The following MYO18A variants were observed in gnomAD, a reference collection of about 807,000 sequenced individuals.
MYO18A encodes the protein myosin XVIIIA, also known as unconventional myosin-XVIIIa.
MYO18A carries 78 observed loss-of-function variants against 235.8 expected under a neutral mutation model. That is an observed-to-expected ratio of 0.33 (90% CI 0.28 to 0.40). MYO18A has a LOEUF of 0.40. MYO18A is among the 10% of genes least tolerant of loss of function. MYO18A has a pLI of 1.00. For synonymous variants in MYO18A, 977 were observed against 1,077.8 expected, an observed-to-expected ratio of 0.91 and a Z score of 1.83; for missense variants, 2,215 against 2,699.3, an observed-to-expected ratio of 0.82 and a Z score of 3.98.
rs762093888 is a variant in MYO18A at position 29,093,328 on chromosome 17, C to T, written c.4921G>A (p.Asp1641Asn). The change falls in exon 32 of 42, where the codon GAC becomes AAC. Residue 1641 changes from aspartate (D) to asparagine (N), a missense_variant. By Grantham distance (23) the Asp-to-Asn change is conservative. Transcript: ENST00000527372. ...ELEGKLATLS[D>N]QVNRRDFESE... Reference sequence around the variant, plus strand: ...TGGGTGGAGCATCCCCTGACCTGGTCGCTGAGGGTGGCGAGCTTGCCCTCC... The same window carrying T: ...TGGGTGGAGCATCCCCTGACCTGGTTGCTGAGGGTGGCGAGCTTGCCCTCC... 2.5e-6 allele frequency: 4 copies of T among 1,610,572 alleles called. No individual in the cohort carries two copies. Among genetic ancestry groups the T allele is most frequent in the Non-Finnish European group, 3.4e-6 (4 of 1,178,976 alleles).
chr17:29,115,270 T>C (rs2067030279), intron 13 of MYO18A, 81 bp downstream of exon 13: 3 of 1,532,048 alleles, frequency 2.0e-6, no homozygotes, highest in Non-Finnish European at 2.7e-6. Context: ...AGACCGGCTC[T>C]GCCTCGGCCA....
chr17:29,093,038 C>A, intron 32 of MYO18A, 37 bp from the exon 33 acceptor site: 1 of 1,599,428 alleles, frequency 6.3e-7, no homozygotes, highest in Non-Finnish European at 8.5e-7. Flanking sequence ...CTGGGCTCTG[C>A]ACAGGGCTTC....
intron 1 of MYO18A, among the ~76,000 whole-genome samples, chr17:29,177,061 G>A (rs116477145): frequency 2.8e-3 from 423 of 152,300 alleles, no homozygotes; most frequent in African/African-American, 9.6e-3. Context: ...ATCCCCTTCC[G>A]TGTGACCTTG....
intron 1 of MYO18A, among the ~76,000 whole-genome samples, chr17:29,169,979 C>A (rs917699380): frequency 6.6e-6 from 1 of 152,136 alleles, no homozygotes; most frequent in Non-Finnish European, 1.5e-5. Flanking sequence ...GGACAGCAGA[C>A]GGTCACAGCA....
At chr17:29,130,609 C>T (rs1420838854) in intron 2 of MYO18A, among the ~76,000 whole-genome samples, 2 of 151,752 alleles carry the variant, frequency 1.3e-5, no homozygotes, top group Admixed American at 6.6e-5. Context: ...ATCAAACTGA[C>T]CAAGGAAGTG....
intron 2 of MYO18A, among the ~76,000 whole-genome samples, chr17:29,135,365 G>C (rs1466437470): frequency 6.6e-6 from 1 of 152,194 alleles, no homozygotes; most frequent in South Asian, 2.1e-4. Context: ...GCCTCCCAAA[G>C]TGCTGGGATT....
chr17:29,081,005 TGAGG>T (rs2066107647), intron 41 of MYO18A: 4 of 985,150 alleles, frequency 4.1e-6, no homozygotes, highest in Admixed American at 6.2e-5. Context: ...GAGAGGCTGT[TGAGG>T]GCCGTTCCGA....
chr17:29,106,604 G>A lies in MYO18A; in HGVS notation c.3441+476C>T, dbSNP rs951743563. ...CCAGACGGGCAGGGACACCCCTTCC[G>A]CAGCCACAAGTTCACCAACCAGGGC... On this transcript the variant is annotated intron_variant, in intron 20 of 41. Transcript: ENST00000527372. The surrounding 1 kb of genome is among the most constrained non-coding windows in gnomAD (Gnocchi z 4.6). Among the ~76,000 whole-genome samples, 3 of 152,134 alleles carry A rather than the reference G, an allele frequency of 2.0e-5. No homozygotes were observed. Among genetic ancestry groups the A allele is most frequent in the East Asian group, 3.9e-4 (2 of 5,190 alleles).
In MYO18A at chr17:29,136,235, GAAAAAAA is replaced by G. The variant is rs1181249964; in HGVS notation, c.1000-13989_1000-13983del. Among the ~76,000 whole-genome samples the G allele has an allele frequency of 1.7e-3, 180 of 105,288 alleles. 1 individual carries two copies. Among genetic ancestry groups the G allele is most frequent in the South Asian group, 7.6e-3 (23 of 3,036 alleles). 69.1% of individuals were successfully genotyped at this position (105,288 alleles called of 152,430 possible). A position where few individuals can be genotyped will look rare whatever the true frequency, so the allele number is the denominator to read the frequency against. On this transcript the variant is annotated intron_variant, in intron 2 of 41. Coordinates refer to ENST00000527372, the MANE Select transcript of MYO18A (RefSeq NM_078471.4). ...GACCGAGTGAGACCCCATCTCAAAA[GAAAAAAA>G]AAAAAAAAATATATATATATATATA... is the stretch of plus-strand genomic sequence containing the variant.
chr17:29,090,990 C>T (rs1598284347), intron 34 of MYO18A, 64 bp from the exon 35 acceptor site: 1 of 1,331,670 alleles, frequency 7.5e-7, no homozygotes. Context: ...CTCCAGCTGC[C>T]TCCAATGGCA....
In MYO18A at chr17:29,109,496, A is replaced by G. The variant is rs183990148; in HGVS notation, c.3331+362T>C. ...TTTAGCACCTCATTTCTCACTGGGC[A>G]GATGGCTCCGAAAGGGCACTGGGTT... On this transcript the variant is annotated intron_variant, in intron 19 of 41. Transcript: ENST00000527372. The surrounding 1 kb of genome is among the most constrained non-coding windows in gnomAD (Gnocchi z 4.1). 2.3e-4 allele frequency among the ~76,000 whole-genome samples: 35 copies of G among 152,338 alleles called. No homozygotes were observed. In the East Asian group the frequency reaches 6.4e-3, roughly 28 times the overall value.
chr17:29,074,871 CATCTGACCG>C lies in MYO18A; in HGVS notation c.6055_6063del (p.Arg2019_Asp2021del). 6.2e-7 allele frequency: 1 copy of C among 1,613,942 alleles called. No homozygotes were observed. Among genetic ancestry groups the C allele is most frequent in the Non-Finnish European group, 8.5e-7 (1 of 1,179,880 alleles). ...GTGTTGTCGAGAGGGTCGTGCTCAT[CATCTGACCG>C]ATCAGGGGCAAGGGACTTCCAGTAG... On this transcript the variant is annotated inframe_deletion, in exon 42 of 42. Transcript: ENST00000527372. The surrounding 1 kb of genome is among the most constrained non-coding windows in gnomAD (Gnocchi z 4.4).
In MYO18A at chr17:29,092,963, C is replaced by T; in HGVS notation, c.4965G>A (p.Arg1655=). The change falls in exon 33 of 42, where the codon CGG becomes CGA. Residue 1655 remains arginine (R), a synonymous_variant. Coordinates refer to ENST00000527372, the MANE Select transcript of MYO18A (RefSeq NM_078471.4). ...GGGCCTTGGTGCGCTTCAGGTCCTT[C>T]CGCAGCCGCTTCTCTGACTCAAAGT... ...RRDFESEKRL[R]KDLKRTKALL... The T allele has an allele frequency of 6.2e-7, 1 of 1,613,778 alleles. No homozygotes were observed.
intron 40 of MYO18A, among the ~76,000 whole-genome samples, chr17:29,085,257 T>C (rs1193210884): frequency 2.6e-5 from 4 of 152,254 alleles, no homozygotes; most frequent in Admixed American, 1.3e-4. Context: ...CCCAGAGAAA[T>C]AGGCCAGGGA....
chr17:29,171,194 A>G (rs905472154), intron 1 of MYO18A, among the ~76,000 whole-genome samples: 7 of 152,236 alleles, frequency 4.6e-5, no homozygotes, highest in Non-Finnish European at 7.3e-5. Flanking sequence ...TCACGCCTGT[A>G]ATACCAGCAC....
intron 23 of MYO18A, 35 bp from the exon 24 acceptor site, chr17:29,098,480 G>A (rs1363523824): frequency 1.9e-6 from 3 of 1,610,714 alleles, no homozygotes; most frequent in East Asian, 4.5e-5. Context: ...GTGAGCCAAA[G>A]GCACTGCGAG....
intron 15 of MYO18A, among the ~76,000 whole-genome samples, chr17:29,113,412 G>A (rs546930273): frequency 3.9e-5 from 6 of 152,336 alleles, no homozygotes; most frequent in Non-Finnish European, 7.3e-5. Context: ...GTCCCCCACC[G>A]AGTGCCAAGG....
Position 29,118,493 on chromosome 17 carries a change from AT to A in MYO18A, c.1830-54del. ...GGCACTTGGTCCCCATGCCAAGGCC[AT>A]TTCCGCCCAGGGTGGAGACAGACAG... On this transcript the variant is annotated intron_variant, in intron 8 of 41. Coordinates refer to ENST00000527372, the MANE Select transcript of MYO18A (RefSeq NM_078471.4). The surrounding 1 kb of genome is among the most constrained non-coding windows in gnomAD (Gnocchi z 4.2). 6.6e-7 allele frequency: 1 copy of A among 1,516,874 alleles called. No homozygotes were observed. The highest frequency in any genetic ancestry group is 9.1e-7 in the Non-Finnish European group (1 of 1,103,866). The allele number at this position is 1,516,874 out of a possible 1,614,324, so 94.0% of individuals were successfully genotyped here. A position where few individuals can be genotyped will look rare whatever the true frequency, so the allele number is the denominator to read the frequency against.
intron 11 of MYO18A, 102 bp from the exon 12 acceptor site, chr17:29,115,942 G>A: frequency 7.3e-7 from 1 of 1,360,890 alleles, no homozygotes; most frequent in Non-Finnish European, 1.0e-6. Flanking sequence ...GGAGGCAAAA[G>A]CCAGCCCTGA....
Sources: gnomAD v4.1 joint callset for allele counts (sites outside exome capture counted in the v4.1 genomes callset) on GRCh38, gnomAD v4.1.1 for gene constraint, Gnocchi (gnomAD v3.1) non-coding constraint, MANE v1.5 for transcripts, NCBI Gene and HGNC (gene_info 2026-07-23, HGNC 2026-07-21) for gene names.